Variants in PLCH1 observed in about 807,000 individuals in gnomAD.
The protein encoded by PLCH1 is phospholipase C eta 1, also known as 1-phosphatidylinositol 4,5-bisphosphate phosphodiesterase eta-1.
Under a neutral mutation model 126.7 loss-of-function variants are expected in PLCH1, and 60 were observed. The ratio of observed to expected loss-of-function variants is 0.47; its 90% confidence interval spans 0.38 to 0.59. The LOEUF is 0.59. Among genes scored for constraint, PLCH1 ranks in the 20% least tolerant of loss-of-function variants. PLCH1 has a pLI of 0.00. For synonymous variants in PLCH1, 719 were observed against 734.9 expected (o/e 0.98, Z 0.35); for missense variants, 1,723 against 2,040.0 (o/e 0.84, Z 2.99).
chr3:155,527,424 G>A (rs1049194173), intron 10 of PLCH1, among the ~76,000 whole-genome samples: 6 of 152,088 alleles, frequency 3.9e-5, no homozygotes, highest in African/African-American at 1.2e-4. Context: ...TCATATTTTC[G>A]GAGAAATGTC....
intron 2 of PLCH1, among the ~76,000 whole-genome samples, chr3:155,649,935 G>A (rs1475574975): frequency 3.3e-5 from 5 of 151,932 alleles, no homozygotes; most frequent in Admixed American, 6.6e-5. Context: ...CCGAGATAGC[G>A]CCACTGCACT....
chr3:155,689,907 C>A (rs1439289810), intron 2 of PLCH1, among the ~76,000 whole-genome samples: 1 of 151,816 alleles, frequency 6.6e-6, no homozygotes, highest in Non-Finnish European at 1.5e-5. Flanking sequence ...GAAAAGATAT[C>A]AACATTCAAG....
At chr3:155,692,781 G>C (rs1215997931) in intron 2 of PLCH1, among the ~76,000 whole-genome samples, 1 of 150,148 alleles carries the variant, frequency 6.7e-6, no homozygotes, top group Non-Finnish European at 1.5e-5. Flanking sequence ...TTTTTGAGAT[G>C]AGTCTCGCTC....
intron 11 of PLCH1, among the ~76,000 whole-genome samples, chr3:155,520,050 C>T (rs1348975433): frequency 6.6e-6 from 1 of 152,152 alleles, no homozygotes; most frequent in Non-Finnish European, 1.5e-5. Flanking sequence ...TTCTTCTGTT[C>T]AAGGACCAGT....
At chr3:155,490,658 A>G (rs909859704) in intron 19 of PLCH1, 126 bp downstream of exon 19, 1 of 583,098 alleles carries the variant, frequency 1.7e-6, no homozygotes, top group South Asian at 2.4e-5. Flanking sequence ...AAAGCTTTTA[A>G]CATAAACTCA....
At chr3:155,579,976 T>C (rs756658660) in intron 6 of PLCH1, among the ~76,000 whole-genome samples, 1 of 152,060 alleles carries the variant, frequency 6.6e-6, no homozygotes, top group Non-Finnish European at 1.5e-5. Flanking sequence ...CAGGACAGAA[T>C]TCATACAGAT....
chr3:155,612,035 G>A (rs1735161005), intron 2 of PLCH1, among the ~76,000 whole-genome samples: 1 of 152,106 alleles, frequency 6.6e-6, no homozygotes, highest in African/African-American at 2.4e-5. Context: ...AGGAAACTTT[G>A]GCCAGGCATG....
intron 1 of PLCH1, among the ~76,000 whole-genome samples, chr3:155,726,938 TC>T (rs1289927436): frequency 6.6e-6 from 1 of 150,386 alleles, no homozygotes; most frequent in Non-Finnish European, 1.5e-5. Flanking sequence ...GCCAGGATGG[TC>T]TCGAACTCCT....
At chr3:155,627,782 T>C (rs533948035) in intron 2 of PLCH1, among the ~76,000 whole-genome samples, 2 of 151,980 alleles carry the variant, frequency 1.3e-5, no homozygotes, top group South Asian at 4.2e-4. Flanking sequence ...TTTTTTTTTT[T>C]TTTGAGACAG....
chr3:155,497,566 G>C lies in PLCH1; in HGVS notation c.1797-149C>G, dbSNP rs1330725821. The C allele has an allele frequency of 6.4e-6, 4 of 620,658 alleles. No homozygotes were observed. The Admixed American group carries it at 1.1e-4, about 17-fold the overall frequency. 38.4% of individuals were successfully genotyped at this position (620,658 alleles called of 1,614,324 possible). ...GGAGCCAGGATTGGCACCCAAGTGT[G>C]CTTCCTAGTTCAGTGCTCTTTCCAC... On this transcript the variant is annotated intron_variant, in intron 14 of 22. Coordinates refer to ENST00000460012, the MANE Select transcript of PLCH1 (RefSeq NM_014996.4).
downstream of PLCH1, among the ~76,000 whole-genome samples, chr3:155,478,604 C>T (rs185580288): frequency 6.6e-6 from 1 of 151,778 alleles, no homozygotes; most frequent in African/African-American, 2.4e-5. Context: ...CAATATTAAC[C>T]AAGAAATAAT....
At chr3:155,706,172 CAAAAAAA>C (rs34725442) in intron 1 of PLCH1, among the ~76,000 whole-genome samples, 119 of 61,614 alleles carry the variant, frequency 1.9e-3, no homozygotes, top group African/African-American at 5.6e-3. Context: ...GACTCTATCT[CAAAAAAA>C]AAAAAAAAAA....
intron 21 of PLCH1, among the ~76,000 whole-genome samples, chr3:155,472,739 T>G (rs1242963025): frequency 1.3e-5 from 2 of 150,146 alleles, no homozygotes; most frequent in African/African-American, 4.9e-5. Context: ...CATGATCAAG[T>G]GGGCTTCATC....
intron 1 of PLCH1, among the ~76,000 whole-genome samples, chr3:155,718,739 C>G (rs1205430810): frequency 2.0e-5 from 3 of 152,048 alleles, no homozygotes; most frequent in Admixed American, 6.5e-5. Context: ...GAGGGATGAC[C>G]CAAATACCTC....
chr3:155,592,174 TAAA>T (rs11329108), intron 4 of PLCH1, among the ~76,000 whole-genome samples: 56 of 129,282 alleles, frequency 4.3e-4, no homozygotes, highest in South Asian at 1.3e-3. Flanking sequence ...TTTTCTCTTT[TAAA>T]AAAAAAAAAA....
intron 2 of PLCH1, among the ~76,000 whole-genome samples, chr3:155,598,127 T>G (rs1733222506): frequency 6.6e-6 from 1 of 151,516 alleles, no homozygotes. Flanking sequence ...GAGGTTGCAG[T>G]GAGGTGAGAT....
intron 21 of PLCH1, 195 bp from the exon 22 acceptor site, chr3:155,485,905 A>C: frequency 1.7e-6 from 1 of 601,004 alleles, no homozygotes; most frequent in Non-Finnish European, 2.9e-6. Flanking sequence ...CTTACTTTGC[A>C]AGGACTTCAG....
Position 155,500,727 on chromosome 3 carries a change from C to A in PLCH1, c.1772G>T (p.Gly591Val), listed in dbSNP as rs781043265. The A allele has an allele frequency of 6.2e-7, 1 of 1,612,704 alleles. No homozygotes were observed. Among genetic ancestry groups the A allele is most frequent in the Non-Finnish European group, 8.5e-7 (1 of 1,178,704 alleles). Reference sequence around the variant, plus strand: ...CCTGTACAGCTGGCCACCCTCCTTGCCAGTACTCTGCTGTGTGTCTTCCTC... The same window carrying A: ...CCTGTACAGCTGGCCACCCTCCTTGACAGTACTCTGCTGTGTGTCTTCCTC... ...DDEEDTQQST[G>V]KEGGQLYRLG... is the part of the protein sequence containing the mutation. Residue 591 changes from glycine to valine, a missense_variant, in exon 14 of 23, where the codon GGC (glycine) becomes GTC (valine). Physicochemically the swap from Gly to Val is moderately radical, Grantham distance 109 (BLOSUM62 -3). This residue lies in a region of PLCH1 where 776 missense variants were observed against 1,062.9 expected (regional missense o/e 0.73). Coordinates refer to ENST00000460012, the MANE Select transcript of PLCH1 (RefSeq NM_014996.4).
intron 21 of PLCH1, among the ~76,000 whole-genome samples, chr3:155,472,300 C>A (rs1576768941): frequency 6.6e-6 from 1 of 152,214 alleles, no homozygotes. Context: ...CTACAAACAA[C>A]TCTACACAAA....
Sources: gnomAD v4.1 joint callset for allele counts (sites outside exome capture counted in the v4.1 genomes callset) on GRCh38, gnomAD v4.1.1 for gene constraint, gnomAD v4.1.1 regional missense constraint, MANE v1.5 for transcripts, NCBI Gene and HGNC (gene_info 2026-07-23, HGNC 2026-07-21) for gene names.